The following CCZ1 variants were observed in gnomAD, a reference collection of about 807,000 sequenced individuals.
The protein encoded by CCZ1 is CCZ1 vacuolar protein trafficking and biogenesis associated.
In CCZ1, 19 loss-of-function variants were observed where a neutral mutation model predicts 57.8. The observed-to-expected ratio is 0.33, with a 90% CI of 0.23 to 0.48. The LOEUF is 0.48. Among genes scored for constraint, CCZ1 ranks in the 20% least tolerant of loss-of-function variants. The probability of loss-of-function intolerance (pLI) is 0.99; values close to 1 mark genes in which losing one functional copy is unlikely to be tolerated. For missense variants in CCZ1, 200 were observed against 492.0 expected (o/e 0.41, Z 5.61); for synonymous variants, 81 against 167.0 (o/e 0.49, Z 3.97).
rs1779348399 is a variant in CCZ1 at position 5,925,532 on chromosome 7, ATC to A, written c.1394-94_1394-93del. Reference sequence around the variant, plus strand: ...GGATTTAAGGTCAAAATCAATGCAAATCTCTCTTCCTAATTTTACCCAAGAAG... The same window carrying A: ...GGATTTAAGGTCAAAATCAATGCAAATCTCTTCCTAATTTTACCCAAGAAG... On this transcript the variant is annotated intron_variant, in intron 14 of 14. Transcript: ENST00000325974. 1.3e-5 allele frequency: 19 copies of A among 1,500,222 alleles called. No homozygotes were observed. In the East Asian group the frequency reaches 1.6e-4, roughly 12 times the overall value. The allele number at this position is 1,500,222 out of a possible 1,614,324, so 92.9% of individuals were successfully genotyped here.
At chr7:5,921,970 C>G (rs141780264) in intron 12 of CCZ1, among the ~76,000 whole-genome samples, 20,253 of 149,214 alleles carry the variant, frequency 0.14, 458 homozygotes, top group East Asian at 0.38. Flanking sequence ...CCTCCTACCT[C>G]AGCCTCCCCG....
intron 11 of CCZ1, chr7:5,919,505 ATCGAATGAGG>A (rs1779197125): frequency 2.2e-4 from 59 of 263,018 alleles, no homozygotes; most frequent in South Asian, 1.8e-3. Context: ...GGTTCTGAGG[ATCGAATGAGG>A]TCATGTCTGT....
intron 5 of CCZ1, 118 bp downstream of exon 5, chr7:5,901,822 G>A (rs1426210441): frequency 1.5e-6 from 2 of 1,325,398 alleles, no homozygotes; most frequent in African/African-American, 3.1e-5. Flanking sequence ...ATTTGTCTTA[G>A]AGAAGAAAAT....
intron 7 of CCZ1, among the ~76,000 whole-genome samples, chr7:5,908,680 A>G (rs1781893735): frequency 2.0e-5 from 3 of 146,472 alleles, no homozygotes; most frequent in African/African-American, 2.5e-5. Flanking sequence ...GCGCCCGACC[A>G]CCTTCACGGT....
Position 5,905,213 on chromosome 7 carries a change from G to A in CCZ1, c.642G>A (p.Glu214=). 6.5e-7 allele frequency: 1 copy of A among 1,544,238 alleles called. No individual in the cohort carries two copies. Among genetic ancestry groups the A allele is most frequent in the Non-Finnish European group, 8.8e-7 (1 of 1,137,752 alleles). ...LKIQSFINRM[E]ESLNIVKYTA... ...TCCAGTCCTTTATTAATAGAATGGA[G>A]GAAAGCCTGAATATAGTCAAATACA... Residue 214 remains glutamate, a synonymous_variant, in exon 7 of 15, where the codon GAG becomes GAA. Transcript: ENST00000325974.
Position 5,901,665 on chromosome 7 carries a change from T to A in CCZ1, c.399T>A (p.Val133=), listed in dbSNP as rs531791479. ...EYQEEELLDK[V]YSSVLRQCYS... The stretch of plus-strand genomic sequence containing the variant: ...TGTTTTCGCGTCTGCAGGACAAGGT[T>A]TATAGCTCGGTGCTGCGGCAGTGCT... Residue 133 remains valine, a synonymous_variant, in exon 5 of 15, where the codon GTT becomes GTA. Transcript: ENST00000325974. 2.4e-5 allele frequency: 39 copies of A among 1,597,942 alleles called. 2 individuals carry two copies. The highest frequency in any genetic ancestry group is 3.4e-5 in the Admixed American group (2 of 59,288).
In CCZ1 at chr7:5,912,832, T is replaced by C. The variant is rs1232155853; in HGVS notation, c.843-11T>C. On this transcript the variant is annotated splice_polypyrimidine_tract_variant and intron_variant, in intron 9 of 14. Transcript: ENST00000325974. ...TCGTTGAATCAAGTCATGTCTGTTCTTGCTTTTAAGATTTCTTACCGGACC... is the reference window on the plus strand; with the variant it reads ...TCGTTGAATCAAGTCATGTCTGTTCCTGCTTTTAAGATTTCTTACCGGACC... The C allele has an allele frequency of 7.9e-7, 1 of 1,259,972 alleles. No individual in the cohort carries two copies. Among genetic ancestry groups the C allele is most frequent in the Non-Finnish European group, 1.2e-6 (1 of 861,160 alleles). The allele number at this position is 1,259,972 out of a possible 1,614,324, so 78.0% of individuals were successfully genotyped here. A position where few individuals can be genotyped will look rare whatever the true frequency, so the allele number is the denominator to read the frequency against.
chr7:5,912,259 A>G (rs76206966), intron 9 of CCZ1, among the ~76,000 whole-genome samples: 3,153 of 129,258 alleles, frequency 0.024, 138 homozygotes, highest in African/African-American at 0.088. Context: ...TGCGTGGCCT[A>G]TTATCTTTTT....
At chr7:5,915,575 C>T (rs1322960141) in intron 10 of CCZ1, among the ~76,000 whole-genome samples, 5 of 151,454 alleles carry the variant, frequency 3.3e-5, no homozygotes, top group African/African-American at 1.2e-4. Context: ...TACAACTCAC[C>T]CTCGTACACT....
At chr7:5,907,369 C>T (rs1418934678) in intron 7 of CCZ1, among the ~76,000 whole-genome samples, 1 of 149,452 alleles carries the variant, frequency 6.7e-6, no homozygotes, top group East Asian at 2.2e-4. Flanking sequence ...GACGTGCTTG[C>T]AAGTCACACG....
chr7:5,922,925 T>C (rs1419203632), intron 12 of CCZ1, among the ~76,000 whole-genome samples: 2 of 150,414 alleles, frequency 1.3e-5, no homozygotes, highest in Admixed American at 6.6e-5. Flanking sequence ...TGTATGTAGA[T>C]ACGTGTTAAA....
intron 1 of CCZ1, 151 bp downstream of exon 1, chr7:5,899,070 A>C: frequency 1.2e-5 from 2 of 164,306 alleles, no homozygotes; most frequent in Non-Finnish European, 2.1e-5. Context: ...ACCTGACAGC[A>C]GGCAGGGACC....
chr7:5,900,958 A>G (rs1781673525), intron 4 of CCZ1, 26 bp downstream of exon 4: 8 of 1,279,762 alleles, frequency 6.3e-6, no homozygotes, highest in Non-Finnish European at 8.4e-6. Context: ...TTGTTTATTT[A>G]TTTATTTTTT....
chr7:5,907,392 TAGGG>T (rs1354261438), intron 7 of CCZ1, among the ~76,000 whole-genome samples: 1 of 149,150 alleles, frequency 6.7e-6, no homozygotes, highest in Non-Finnish European at 1.5e-5. Flanking sequence ...GCCACAGCGA[TAGGG>T]AGATGTCATG....
At chr7:5,922,545 A>AGGGGC (rs1315037836) in intron 12 of CCZ1, among the ~76,000 whole-genome samples, 2,044 of 135,470 alleles carry the variant, frequency 0.015, 4 homozygotes, top group African/African-American at 0.057. Context: ...AGGGGAGGGG[A>AGGGGC]GGGGCCCCAG....
intron 10 of CCZ1, among the ~76,000 whole-genome samples, chr7:5,914,153 A>G (rs1200993428): frequency 1.4e-5 from 2 of 148,082 alleles, no homozygotes; most frequent in Non-Finnish European, 3.0e-5. Context: ...ATCTATTAAT[A>G]TAAAATTGAA....
chr7:5,906,866 C>T (rs1349217256), intron 7 of CCZ1, among the ~76,000 whole-genome samples: 1 of 150,290 alleles, frequency 6.7e-6, no homozygotes, highest in African/African-American at 2.5e-5. Context: ...TGAAACCCAT[C>T]TACTTTTTTT....
intron 7 of CCZ1, 31 bp downstream of exon 7, chr7:5,905,300 G>T (rs1416712899): frequency 6.2e-6 from 8 of 1,281,958 alleles, no homozygotes; most frequent in Non-Finnish European, 8.4e-6. Context: ...GGTATTAAAA[G>T]AAGAAATTAA....
chr7:5,899,332 GGGGT>G (rs797010944), intron 1 of CCZ1, among the ~76,000 whole-genome samples: 4,235 of 128,606 alleles, frequency 0.033, 149 homozygotes, highest in East Asian at 0.084. Context: ...TTTCGGGAGG[GGGGT>G]GTGTGTGTGT....
Sources: allele counts gnomAD v4.1 joint callset (sites outside exome capture counted in the v4.1 genomes callset), GRCh38; gene constraint gnomAD v4.1.1; transcripts MANE v1.5; gene names NCBI Gene and HGNC (gene_info 2026-07-23, HGNC 2026-07-21).